Variants in MGAT3 observed in about 807,000 individuals in gnomAD.
MGAT3 encodes beta-1,4-mannosyl-glycoprotein 4-beta-N-acetylglucosaminyltransferase, also known as GlcNAc-T III.
MGAT3 carries 9 observed loss-of-function variants against 29.8 expected under a neutral mutation model. That is an observed-to-expected ratio of 0.30 (90% confidence interval 0.18 to 0.53). The LOEUF (loss-of-function observed/expected upper bound fraction) is 0.53. Among genes scored for constraint, MGAT3 ranks in the 20% least tolerant of loss-of-function variants. The pLI is 0.96. For synonymous variants in MGAT3, 397 were observed against 348.9 expected, an observed-to-expected ratio of 1.14 and a Z score of -1.54; for missense variants, 557 against 769.5, an observed-to-expected ratio of 0.72 and a Z score of 3.27.
intron 1 of MGAT3, among the ~76,000 whole-genome samples, chr22:39,473,958 C>T (rs901208808): frequency 6.6e-6 from 1 of 152,000 alleles, no homozygotes; most frequent in Admixed American, 6.5e-5. Flanking sequence ...CCAGGGCCTC[C>T]GGAGCCTCCT....
At chr22:39,470,345 C>T (rs972458412) in intron 1 of MGAT3, among the ~76,000 whole-genome samples, 12 of 152,184 alleles carry the variant, frequency 7.9e-5, no homozygotes, top group African/African-American at 2.4e-4. Flanking sequence ...AGGGATCAGC[C>T]AGTGCGAGGA....
intron 1 of MGAT3, among the ~76,000 whole-genome samples, chr22:39,479,324 CAAAG>C (rs1295837445): frequency 3.3e-5 from 5 of 152,146 alleles, no homozygotes; most frequent in Admixed American, 6.5e-5. Flanking sequence ...GCCTGGGTAA[CAAAG>C]AAAGACAAAA....
intron 1 of MGAT3, among the ~76,000 whole-genome samples, chr22:39,471,839 C>A (rs2145716386): frequency 6.6e-6 from 1 of 152,190 alleles, no homozygotes; most frequent in South Asian, 2.1e-4. Flanking sequence ...TGGTCAGCCA[C>A]CACCCTGAGC....
intron 1 of MGAT3, among the ~76,000 whole-genome samples, chr22:39,484,190 G>T (rs569605081): frequency 6.6e-6 from 1 of 152,156 alleles, no homozygotes; most frequent in Non-Finnish European, 1.5e-5. Flanking sequence ...TAGATCAATC[G>T]TGTTGTGATT....
chr22:39,475,150 T>TTTTTTTTTTTTTTTTTTTTTTTTG (rs869025760), intron 1 of MGAT3, among the ~76,000 whole-genome samples: 1 of 130,550 alleles, frequency 7.7e-6, no homozygotes, highest in African/African-American at 2.9e-5. Flanking sequence ...TTTTTTTTTT[T>TTTTTTTTTTTTTTTTTTTTTTTTG]AACTGTAGAA....
intron 1 of MGAT3, among the ~76,000 whole-genome samples, chr22:39,467,135 G>A (rs560827360): frequency 6.6e-6 from 1 of 152,342 alleles, no homozygotes; most frequent in South Asian, 2.1e-4. Context: ...CGTCTCTTAG[G>A]CTGCGCAGTC....
chr22:39,487,777 TCGGCCCGG>T lies in MGAT3; in HGVS notation c.436_443del (p.Arg146ThrfsTer168). ...GAAGCCTGAGGGGGCCAACGGCTCCTCGGCCCGGCGGCCACCCCGGTACCTCCTGAGCG... is the reference window on the plus strand; with the variant it reads ...GAAGCCTGAGGGGGCCAACGGCTCCTCGGCCACCCCGGTACCTCCTGAGCG... On this transcript the variant is annotated frameshift_variant, in exon 2 of 2. Coordinates refer to ENST00000341184, the MANE Select transcript of MGAT3 (RefSeq NM_002409.5). LOFTEE classifies it high-confidence loss of function. The surrounding 1 kb of genome is among the most constrained non-coding windows in gnomAD (Gnocchi z 5.7). 1 of 1,494,770 alleles carries T rather than the reference TCGGCCCGG, an allele frequency of 6.7e-7. No individual in the cohort carries two copies. Among genetic ancestry groups the T allele is most frequent in the Non-Finnish European group, 8.9e-7 (1 of 1,124,812 alleles). The allele number at this position is 1,494,770 out of a possible 1,614,324, so 92.6% of individuals were successfully genotyped here.
chr22:39,464,828 G>A (rs1928593915), intron 1 of MGAT3, among the ~76,000 whole-genome samples: 1 of 151,648 alleles, frequency 6.6e-6, no homozygotes, highest in Non-Finnish European at 1.5e-5. Flanking sequence ...TCGGCTCACT[G>A]TAAGCTCTGC....
rs966092776 is a variant in MGAT3 at position 39,491,003 on chromosome 22, C to G, written c.*2054C>G. ...GACCTGAGGGCTGTGCAGCTGAGAG[C>G]CCACTACCTCCCCAGCCCCTCTCGG... On this transcript the variant is annotated 3_prime_UTR_variant, in exon 2 of 2. Transcript: ENST00000341184. The surrounding 1 kb of genome is among the most constrained non-coding windows in gnomAD (Gnocchi z 5.5). The G allele has an allele frequency of 3.0e-5, 5 of 167,272 alleles. No individual in the cohort carries two copies. The East Asian group carries it at 7.5e-4, about 25-fold the overall frequency. 10.4% of individuals were successfully genotyped at this position (167,272 alleles called of 1,614,324 possible). A position where few individuals can be genotyped will look rare whatever the true frequency, so the allele number is the denominator to read the frequency against.
rs567243289 is a variant in MGAT3, at chr22:39,479,459, G to A, written c.-1-7888G>A. Among the ~76,000 whole-genome samples, 16 of 152,320 alleles carry A rather than the reference G, an allele frequency of 1.1e-4. No individual in the cohort carries two copies. In the South Asian group the frequency reaches 1.9e-3, roughly 18 times the overall value. On this transcript the variant is annotated intron_variant, in intron 1 of 1. Transcript: ENST00000341184. Reference sequence around the variant, plus strand: ...CCCTTTTCTTGGAGTCTCAGGAGGCGTGGCTTCCCAGCCCCTGGCCCCTCC... The same window carrying A: ...CCCTTTTCTTGGAGTCTCAGGAGGCATGGCTTCCCAGCCCCTGGCCCCTCC...
In MGAT3 at chr22:39,487,103, G is replaced by T. The variant is rs1929295565; in HGVS notation, c.-1-244G>T. ...GAGAAGCAGGCTGCAGAGGGGGCAG[G>T]GTGGTGGCCTGGGGATCTCAGGGAA... On this transcript the variant is annotated intron_variant, in intron 1 of 1. Coordinates refer to ENST00000341184, the MANE Select transcript of MGAT3 (RefSeq NM_002409.5). This position sits in a 1 kb window ranked among gnomAD's most constrained non-coding sequence, Gnocchi z 5.7. Among the ~76,000 whole-genome samples the T allele has an allele frequency of 1.3e-5, 2 of 152,156 alleles. No homozygotes were observed. The highest frequency in any genetic ancestry group is 6.5e-5 in the Admixed American group (1 of 15,274).
chr22:39,474,483 G>C (rs1033988699), intron 1 of MGAT3, among the ~76,000 whole-genome samples: 4 of 152,224 alleles, frequency 2.6e-5, no homozygotes, highest in African/African-American at 9.6e-5. Context: ...CTGTGTGCCT[G>C]TGGGGGTGGA....
At chr22:39,469,202 A>T (rs921572943) in intron 1 of MGAT3, among the ~76,000 whole-genome samples, 1 of 148,804 alleles carries the variant, frequency 6.7e-6, no homozygotes, top group Non-Finnish European at 1.5e-5. Flanking sequence ...AGCCTTGGTG[A>T]TGGGTGGGGA....
At chr22:39,468,792 TTG>T (rs1316796024) in intron 1 of MGAT3, among the ~76,000 whole-genome samples, 1 of 151,986 alleles carries the variant, frequency 6.6e-6, no homozygotes, top group African/African-American at 2.4e-5. Context: ...AGCACAGCCC[TTG>T]TGTGGGACAA....
chr22:39,478,052 T>C (rs1929019223), intron 1 of MGAT3, among the ~76,000 whole-genome samples: 1 of 152,232 alleles, frequency 6.6e-6, no homozygotes, highest in Non-Finnish European at 1.5e-5. Context: ...GCTGCAAAGA[T>C]GTGCCTCCTG....
intron 1 of MGAT3, among the ~76,000 whole-genome samples, chr22:39,482,518 G>A (rs570286241): frequency 7.2e-5 from 11 of 152,248 alleles, no homozygotes; most frequent in East Asian, 5.8e-4. Context: ...TCTGAGTCTC[G>A]TTTTCTCCAT....
At position 39,489,368 on chromosome 22, in the gene MGAT3, T is replaced by A; in HGVS notation, c.*419T>A. ...TGGCATCCCTGGGCCTTGGGCTCCG[T>A]GTGGGAGACCGGCCTGCCAGGAGGA... On this transcript the variant is annotated 3_prime_UTR_variant, in exon 2 of 2. Transcript: ENST00000341184. The A allele has an allele frequency of 4.4e-6, 1 of 224,890 alleles. No individual in the cohort carries two copies. The highest frequency in any genetic ancestry group is 1.2e-4 in the East Asian group (1 of 8,394). The allele number at this position is 224,890 out of a possible 1,614,324, so 13.9% of individuals were successfully genotyped here. A position where few individuals can be genotyped will look rare whatever the true frequency, so the allele number is the denominator to read the frequency against.
At chr22:39,465,386 C>T (rs933342439) in intron 1 of MGAT3, among the ~76,000 whole-genome samples, 5 of 152,170 alleles carry the variant, frequency 3.3e-5, no homozygotes, top group African/African-American at 7.2e-5. Flanking sequence ...CTCAGCTACA[C>T]CCCTTGGAAG....
rs11380222 is a variant in MGAT3, at chr22:39,482,147, ATTTTTTTTT to A, written c.-1-5188_-1-5180del. ...CACTGCTAGAAAGTAGGCACTGCTA[ATTTTTTTTT>A]TTTTTTTTTTTGTAGAGACGGGGTT... is the stretch of plus-strand genomic sequence containing the variant. On this transcript the variant is annotated intron_variant, in intron 1 of 1. Coordinates refer to ENST00000341184, the MANE Select transcript of MGAT3 (RefSeq NM_002409.5). Among the ~76,000 whole-genome samples, 17 of 134,076 alleles carry A rather than the reference ATTTTTTTTT, an allele frequency of 1.3e-4. No homozygotes were observed. The East Asian group carries it at 3.6e-3, about 29-fold the overall frequency. The allele number at this position is 134,076 out of a possible 152,430, so 88.0% of individuals were successfully genotyped here.
Sources: gnomAD v4.1 joint callset for allele counts (sites outside exome capture counted in the v4.1 genomes callset) on GRCh38, gnomAD v4.1.1 for gene constraint, Gnocchi (gnomAD v3.1) non-coding constraint, MANE v1.5 for transcripts, NCBI Gene and HGNC (gene_info 2026-07-23, HGNC 2026-07-21) for gene names.